Variants in TRHDE observed in about 807,000 individuals in gnomAD.
The protein encoded by TRHDE is thyrotropin-releasing hormone-degrading ectoenzyme.
In TRHDE, 72 loss-of-function variants were observed where a neutral mutation model predicts 125.7. The ratio of observed to expected loss-of-function variants is 0.57; its 90% CI spans 0.47 to 0.70. The LOEUF (loss-of-function observed/expected upper bound fraction) is 0.70. Among genes scored for constraint, TRHDE ranks in the 30% least tolerant of loss-of-function variants. The probability of loss-of-function intolerance (pLI) is 0.00; values close to 1 mark genes in which losing one functional copy is unlikely to be tolerated. For synonymous variants in TRHDE, 509 were observed against 509.1 expected (o/e 1.00, Z 0.00); for missense variants, 1,110 against 1,327.1 (o/e 0.84, Z 2.54).
intron 2 of TRHDE, chr12:72,256,920 T>C (rs984692603): frequency 3.9e-5 from 6 of 152,206 alleles, no homozygotes; most frequent in African/African-American, 1.4e-4. Flanking sequence ...CAGCTATGCC[T>C]GAACATGGCA....
chr12:72,652,924 A>G (rs1365541237), intron 16 of TRHDE, 92 bp from the exon 17 acceptor site: 18 of 1,042,232 alleles, frequency 1.7e-5, no homozygotes, highest in Non-Finnish European at 2.5e-5. Flanking sequence ...TCTTTTGAAG[A>G]ATATGACAAA....
chr12:72,486,561 A>G (rs115084446), intron 5 of TRHDE, among the ~76,000 whole-genome samples: 131 of 152,216 alleles, frequency 8.6e-4, no homozygotes, highest in African/African-American at 3.1e-3. Context: ...GTAGATAACA[A>G]CTGAAGAAGC....
At chr12:72,120,408 C>G in intron 2 of TRHDE, among the ~76,000 whole-genome samples, 1 of 151,704 alleles carries the variant, frequency 6.6e-6, no homozygotes, top group Middle Eastern at 3.2e-3. Flanking sequence ...TTTCTTCTTT[C>G]CTTCCTTCCT....
intron 2 of TRHDE, among the ~76,000 whole-genome samples, chr12:72,345,541 T>G (rs528504266): frequency 1.3e-5 from 2 of 152,284 alleles, no homozygotes; most frequent in Non-Finnish European, 2.9e-5. Flanking sequence ...TAAGTTCATG[T>G]AATTTATTTT....
chr12:72,615,336 A>T (rs1872775617), intron 12 of TRHDE, among the ~76,000 whole-genome samples: 1 of 152,186 alleles, frequency 6.6e-6, no homozygotes, highest in Admixed American at 6.6e-5. Context: ...ACTGCATTTC[A>T]GCTTCAGAAC....
intron 2 of TRHDE, among the ~76,000 whole-genome samples, chr12:72,360,209 A>T (rs1365986344): frequency 6.6e-6 from 1 of 151,796 alleles, no homozygotes; most frequent in African/African-American, 2.4e-5. Context: ...AAAGACCCAG[A>T]AAGTACAAAC....
At chr12:72,394,143 CTTAAT>C (rs1872705866) in intron 3 of TRHDE, among the ~76,000 whole-genome samples, 2 of 152,138 alleles carry the variant, frequency 1.3e-5, no homozygotes, top group Admixed American at 1.3e-4. Flanking sequence ...CTTTATCATG[CTTAAT>C]TTAAGTTTGT....
At chr12:72,627,290 C>CT (rs1237211546) in intron 15 of TRHDE, among the ~76,000 whole-genome samples, 2 of 152,000 alleles carry the variant, frequency 1.3e-5, no homozygotes, top group African/African-American at 2.4e-5. Flanking sequence ...CTTCAGGGCA[C>CT]TTTTTTTGTT....
intron 2 of TRHDE, among the ~76,000 whole-genome samples, chr12:72,201,949 A>G (rs150872685): frequency 1.3e-5 from 2 of 152,338 alleles, no homozygotes; most frequent in African/African-American, 4.8e-5. Context: ...AACAGTTCAT[A>G]AAGTTTCCAT....
chr12:72,153,385 C>T (rs993216721), intron 2 of TRHDE, among the ~76,000 whole-genome samples: 1 of 152,116 alleles, frequency 6.6e-6, no homozygotes, highest in Non-Finnish European at 1.5e-5. Context: ...TTTTTTGTGT[C>T]TCTATTTCCT....
At chr12:72,582,737 G>A in intron 12 of TRHDE, 4 of 543,182 alleles carry the variant, frequency 7.4e-6, no homozygotes, top group Non-Finnish European at 9.4e-6. Flanking sequence ...TGGACTTTTT[G>A]TTTTGATTTC....
intron 16 of TRHDE, among the ~76,000 whole-genome samples, chr12:72,652,809 A>T (rs1323784926): frequency 6.6e-6 from 1 of 151,934 alleles, no homozygotes; most frequent in African/African-American, 2.4e-5. Flanking sequence ...AGATTTTTTT[A>T]GAATTTAATG....
intron 2 of TRHDE, among the ~76,000 whole-genome samples, chr12:72,179,440 A>G (rs1273690132): frequency 3.9e-5 from 6 of 152,104 alleles, no homozygotes; most frequent in African/African-American, 1.4e-4. Context: ...TGTCGCCTCC[A>G]GGTACCTCAT....
intron 15 of TRHDE, among the ~76,000 whole-genome samples, chr12:72,637,120 A>C (rs1460090073): frequency 6.6e-6 from 1 of 152,092 alleles, no homozygotes; most frequent in Non-Finnish European, 1.5e-5. Flanking sequence ...TCGGCTGTGA[A>C]TCCATCTGGT....
chr12:72,636,786 A>G (rs1193984192), intron 15 of TRHDE, among the ~76,000 whole-genome samples: 4 of 152,218 alleles, frequency 2.6e-5, no homozygotes, highest in East Asian at 3.9e-4. Flanking sequence ...CTTTGGTTCT[A>G]TTTATATGCT....
At chr12:72,305,259 G>C (rs956494856) in intron 2 of TRHDE, among the ~76,000 whole-genome samples, 2 of 152,224 alleles carry the variant, frequency 1.3e-5, no homozygotes, top group South Asian at 4.1e-4. Flanking sequence ...TGCTCAGTAG[G>C]AAATAATAAA....
chr12:72,168,459 G>T (rs1482568351), intron 2 of TRHDE, among the ~76,000 whole-genome samples: 1 of 152,156 alleles, frequency 6.6e-6, no homozygotes, highest in Non-Finnish European at 1.5e-5. Flanking sequence ...ATCTGCTAAA[G>T]CTTTCTCATT....
intron 3 of TRHDE, among the ~76,000 whole-genome samples, chr12:72,422,106 C>T (rs1206371978): frequency 6.6e-6 from 1 of 152,018 alleles, no homozygotes; most frequent in Non-Finnish European, 1.5e-5. Flanking sequence ...GGGGTTGCTG[C>T]TATTCATTTC....
chr12:72,215,771 G>A (rs900230184), intron 2 of TRHDE, among the ~76,000 whole-genome samples: 1 of 152,194 alleles, frequency 6.6e-6, no homozygotes, highest in East Asian at 1.9e-4. Context: ...GATGGCGGCA[G>A]TGACACCTGA....
Sources: gnomAD v4.1 joint callset for allele counts (sites outside exome capture counted in the v4.1 genomes callset) on GRCh38, gnomAD v4.1.1 for gene constraint, MANE v1.5 for transcripts, NCBI Gene and HGNC (gene_info 2026-07-23, HGNC 2026-07-21) for gene names.